Variants in TFCP2 observed in about 807,000 individuals in gnomAD.
The protein encoded by TFCP2 is alpha-globin transcription factor CP2.
Under a neutral mutation model 73.4 loss-of-function variants are expected in TFCP2, and 33 were observed. The observed-to-expected ratio is 0.45, with a 90% CI of 0.34 to 0.60. The LOEUF (loss-of-function observed/expected upper bound fraction) is 0.60. Ranked by LOEUF, TFCP2 falls within the 20% of genes least tolerant of loss-of-function variation. TFCP2 has a pLI of 0.01. For missense variants in TFCP2, 352 were observed against 604.0 expected (o/e 0.58, Z 4.37); for synonymous variants, 193 against 211.6 (o/e 0.91, Z 0.76).
intron 1 of TFCP2, among the ~76,000 whole-genome samples, chr12:51,148,244 A>G (rs1243931175): frequency 6.6e-6 from 1 of 152,230 alleles, no homozygotes; most frequent in Non-Finnish European, 1.5e-5. Context: ...TAAAAAACTA[A>G]AAGTTTATCT....
chr12:51,118,549 C>T, intron 2 of TFCP2, 72 bp downstream of exon 2: 2 of 1,483,054 alleles, frequency 1.3e-6, no homozygotes, highest in Non-Finnish European at 9.1e-7. Context: ...CGTCTCAAAA[C>T]AAACAAACAA....
Position 51,172,452 on chromosome 12 carries a change from C to G in TFCP2, c.-30G>C, listed in dbSNP as rs1941881951. 2 of 1,613,166 alleles carry G rather than the reference C, an allele frequency of 1.2e-6. No homozygotes were observed. The highest frequency in any genetic ancestry group is 1.6e-4 in the Middle Eastern group (1 of 6,084). On this transcript the variant is annotated 5_prime_UTR_variant, in exon 1 of 15. Coordinates refer to ENST00000257915, the MANE Select transcript of TFCP2 (RefSeq NM_005653.5). ...GCTCCTTCCTTGCCCCAGGAGACACCGTGTCTTGTACAAAGGCGCGGAGGG... is the reference window on the plus strand; with the variant it reads ...GCTCCTTCCTTGCCCCAGGAGACACGGTGTCTTGTACAAAGGCGCGGAGGG...
At chr12:51,101,844 T>A in intron 11 of TFCP2, 91 bp downstream of exon 11, 1 of 736,278 alleles carries the variant, frequency 1.4e-6, no homozygotes, top group Non-Finnish European at 2.3e-6. Context: ...TGAGAAGGTG[T>A]ATTTAGCTGT....
chr12:51,144,790 G>A (rs889269294), intron 1 of TFCP2, among the ~76,000 whole-genome samples: 5 of 152,188 alleles, frequency 3.3e-5, no homozygotes, highest in Admixed American at 6.5e-5. Flanking sequence ...CACTGGACAC[G>A]GTGACTCATG....
chr12:51,103,692 T>G lies in TFCP2; in HGVS notation c.1038A>C (p.Thr346=). The G allele has an allele frequency of 6.2e-7, 1 of 1,614,018 alleles. No homozygotes were observed. The highest frequency in any genetic ancestry group is 8.5e-7 in the Non-Finnish European group (1 of 1,179,968). ...WLHRNRFSTF[T]RLFTNFSGAD... ...AACCTGAGAAGTTTGTGAAAAGCCT[T>G]GTGAATGTAGAAAAACGATTTCGAT... Residue 346 remains threonine (T), a synonymous_variant, in exon 10 of 15, where the codon ACA becomes ACC. Transcript: ENST00000257915.
chr12:51,111,397 T>C (rs1940396282), intron 4 of TFCP2, among the ~76,000 whole-genome samples: 1 of 152,096 alleles, frequency 6.6e-6, no homozygotes. Flanking sequence ...CCACCCACCT[T>C]GGCCTCCTAA....
chr12:51,103,636 T>C (rs759392041), intron 10 of TFCP2, 34 bp downstream of exon 10: 30 of 1,580,334 alleles, frequency 1.9e-5, no homozygotes, highest in Non-Finnish European at 2.6e-5. Context: ...GAAAATTTCA[T>C]GCTAGGGAAA....
chr12:51,096,167 T>C, intron 13 of TFCP2, 127 bp from the exon 14 acceptor site: 1 of 678,796 alleles, frequency 1.5e-6, no homozygotes, highest in Non-Finnish European at 2.4e-6. Context: ...ACAAATAATG[T>C]ATTTCTTGAA....
At chr12:51,158,044 A>G (rs1311398003) in intron 1 of TFCP2, among the ~76,000 whole-genome samples, 2 of 151,596 alleles carry the variant, frequency 1.3e-5, no homozygotes, top group Admixed American at 1.3e-4. Flanking sequence ...TTCTGTCACC[A>G]AGGCTGGAGT....
chr12:51,131,771 T>C (rs1940949991), intron 1 of TFCP2, among the ~76,000 whole-genome samples: 1 of 152,226 alleles, frequency 6.6e-6, no homozygotes, highest in Non-Finnish European at 1.5e-5. Flanking sequence ...CCAGCTACTA[T>C]TCTAAGTTTG....
At chr12:51,134,173 C>G (rs151330782) in intron 1 of TFCP2, among the ~76,000 whole-genome samples, 1 of 152,122 alleles carries the variant, frequency 6.6e-6, no homozygotes, top group Non-Finnish European at 1.5e-5. Context: ...AAACACCATT[C>G]GTATTAGGTA....
intron 1 of TFCP2, among the ~76,000 whole-genome samples, chr12:51,119,997 G>T (rs567934112): frequency 6.6e-6 from 1 of 151,286 alleles, no homozygotes; most frequent in African/African-American, 2.4e-5. Context: ...TGGCCAACAT[G>T]GTGAAACCCT....
chr12:51,168,549 A>G (rs2137052816), intron 1 of TFCP2, among the ~76,000 whole-genome samples: 1 of 152,184 alleles, frequency 6.6e-6, no homozygotes, highest in Non-Finnish European at 1.5e-5. Flanking sequence ...CAGAGGCACA[A>G]TCACAGCTCA....
intron 7 of TFCP2, 128 bp downstream of exon 7, chr12:51,107,108 A>G: frequency 1.3e-6 from 1 of 770,554 alleles, no homozygotes; most frequent in South Asian, 1.8e-5. Flanking sequence ...AGGCCGCTGG[A>G]CACAGAATCC....
rs544325207 is a variant in TFCP2 at position 51,140,814 on chromosome 12, G to C, written c.123-22042C>G. ...CTCATACCTGTAATCGCAGCATTTTGGGAGGCCAAGGCAGGTGAATCATCT... is the reference window on the plus strand; with the variant it reads ...CTCATACCTGTAATCGCAGCATTTTCGGAGGCCAAGGCAGGTGAATCATCT... On this transcript the variant is annotated intron_variant, in intron 1 of 14. Transcript: ENST00000257915. Among the ~76,000 whole-genome samples, 7 of 151,842 alleles carry C rather than the reference G, an allele frequency of 4.6e-5. No individual in the cohort carries two copies. In the East Asian group the frequency reaches 1.4e-3, roughly 29 times the overall value.
chr12:51,172,419 C>A lies in TFCP2; in HGVS notation c.4G>T (p.Ala2Ser). ...GCCAGAGGCAGCTTCAGAGCCCAGG[C>A]CATCCTGGCTCCTTCCTTGCCCCAG... is the stretch of plus-strand genomic sequence containing the variant. M[A>S]WALKLPLADE... is the part of the protein sequence containing the mutation. The change falls in exon 1 of 15, where the codon GCC becomes TCC. Residue 2 changes from alanine (A) to serine (S), a missense_variant. Coordinates refer to ENST00000257915, the MANE Select transcript of TFCP2 (RefSeq NM_005653.5). 1.2e-6 allele frequency: 2 copies of A among 1,614,052 alleles called. No homozygotes were observed. Among genetic ancestry groups the A allele is most frequent in the Non-Finnish European group, 1.7e-6 (2 of 1,179,994 alleles).
At chr12:51,105,184 T>G (rs1940201530) in intron 8 of TFCP2, among the ~76,000 whole-genome samples, 1 of 150,644 alleles carries the variant, frequency 6.6e-6, no homozygotes. Context: ...ACCTCTGCCC[T>G]CTGGTTTCAA....
At chr12:51,105,267 T>A (rs1940204531) in intron 8 of TFCP2, among the ~76,000 whole-genome samples, 1 of 151,936 alleles carries the variant, frequency 6.6e-6, no homozygotes, top group African/African-American at 2.4e-5. Flanking sequence ...CTAATTTTTT[T>A]ATTTTTAGTA....
chr12:51,139,931 A>G (rs1941150878), intron 1 of TFCP2, among the ~76,000 whole-genome samples: 1 of 152,244 alleles, frequency 6.6e-6, no homozygotes, highest in African/African-American at 2.4e-5. Context: ...TTACACAGCT[A>G]TTAAATACTG....
Sources: allele counts gnomAD v4.1 joint callset (sites outside exome capture counted in the v4.1 genomes callset), GRCh38; gene constraint gnomAD v4.1.1; transcripts MANE v1.5; gene names NCBI Gene and HGNC (gene_info 2026-07-23, HGNC 2026-07-21).